EDA: variants seen among roughly 807,000 people sequenced by gnomAD.
EDA encodes ectodysplasin-A.
A neutral mutation model predicts 23.6 loss-of-function variants in EDA; 2 were observed. The observed-to-expected ratio is 0.08, with a 90% confidence interval of 0.03 to 0.27. The LOEUF (loss-of-function observed/expected upper bound fraction) is 0.27, where lower values mean the gene tolerates loss of function less well. Ranked by LOEUF, EDA falls within the 10% of genes least tolerant of loss-of-function variation. The pLI, the probability that EDA is intolerant of heterozygous loss-of-function variation, is 1.00. For synonymous variants in EDA, 131 were observed against 132.0 expected (o/e 0.99, Z 0.05); for missense variants, 229 against 324.2 (o/e 0.71, Z 2.26).
At chrX:69,881,526 C>T (rs2017746645) in intron 1 of EDA, among the ~76,000 whole-genome samples, 1 of 111,495 alleles carries the variant, frequency 9.0e-6, no homozygotes, top group Non-Finnish European at 1.9e-5. Context: ...CTCCTTAGCC[C>T]AGTTGCCATA....
intron 7 of EDA, among the ~76,000 whole-genome samples, chrX:70,034,019 C>G (rs1183223649): frequency 9.0e-6 from 1 of 111,694 alleles, no homozygotes; most frequent in Admixed American, 9.5e-5. Context: ...CTCTTTCTCC[C>G]ATTTGTTTCC....
Position 69,843,715 on chromosome X carries a change from A to G in EDA, c.397-113312A>G, listed in dbSNP as rs181064536. Among the ~76,000 whole-genome samples, 18 of 111,517 alleles carry G rather than the reference A, an allele frequency of 1.6e-4. 1 individual carries two copies. Among genetic ancestry groups the G allele is most frequent in the Admixed American group, 7.6e-4 (8 of 10,485 alleles). ...AAATATAAAAAGCCATATATATGGG[A>G]TGGAATTATAAAGACTTCATTAAAT... is the stretch of plus-strand genomic sequence containing the variant. On this transcript the variant is annotated intron_variant, in intron 1 of 7. Transcript: ENST00000374552.
chrX:69,969,715 A>T (rs1483447271), intron 2 of EDA, among the ~76,000 whole-genome samples: 1 of 111,888 alleles, frequency 8.9e-6, no homozygotes, highest in Non-Finnish European at 1.9e-5. Flanking sequence ...CCCACCCTGT[A>T]GCATAGTATG....
intron 1 of EDA, among the ~76,000 whole-genome samples, chrX:69,817,873 C>T (rs2016117107): frequency 9.0e-6 from 1 of 111,659 alleles, no homozygotes; most frequent in Non-Finnish European, 1.9e-5. Flanking sequence ...ATCAAGTGGA[C>T]CTGATAGATA....
intron 1 of EDA, among the ~76,000 whole-genome samples, chrX:69,783,262 T>G (rs745647825): frequency 9.2e-6 from 1 of 108,519 alleles, no homozygotes; most frequent in East Asian, 2.9e-4. Flanking sequence ...ACAGAAGAGA[T>G]TTTTTTTTTG....
intron 1 of EDA, chrX:69,937,672 G>A: frequency 9.0e-7 from 1 of 1,111,904 alleles, no homozygotes; most frequent in Middle Eastern, 2.4e-4. Context: ...GATGTTGTTA[G>A]TAGCTCTATA....
intron 2 of EDA, among the ~76,000 whole-genome samples, chrX:69,961,172 A>C (rs965259346): frequency 1.8e-5 from 2 of 111,690 alleles, no homozygotes; most frequent in Admixed American, 1.9e-4. Flanking sequence ...ACTGGGTTTC[A>C]CTATGTTGGC....
chrX:69,907,302 C>T (rs1476681587), intron 1 of EDA, among the ~76,000 whole-genome samples: 1 of 111,602 alleles, frequency 9.0e-6, no homozygotes, highest in Non-Finnish European at 1.9e-5. Flanking sequence ...TTCAACATTT[C>T]CTGTGCCCTA....
chrX:69,724,009 A>T (rs1052960037), intron 1 of EDA, among the ~76,000 whole-genome samples: 1 of 111,749 alleles, frequency 8.9e-6, no homozygotes, highest in Non-Finnish European at 1.9e-5. Context: ...GTCAAATTGT[A>T]ACTTGGATAA....
At chrX:69,783,658 G>A (rs766908277) in intron 1 of EDA, among the ~76,000 whole-genome samples, 3 of 111,459 alleles carry the variant, frequency 2.7e-5, no homozygotes, top group African/African-American at 9.8e-5. Flanking sequence ...TGGTGTATAT[G>A]TGCCACATTT....
At chrX:69,923,243 G>A (rs2018462090) in intron 1 of EDA, among the ~76,000 whole-genome samples, 1 of 110,924 alleles carries the variant, frequency 9.0e-6, no homozygotes, top group Admixed American at 9.6e-5. Context: ...CATGTGTCAT[G>A]GTGGTTTGCT....
At chrX:69,687,046 CAT>C (rs904310832) in intron 1 of EDA, among the ~76,000 whole-genome samples, 1 of 111,808 alleles carries the variant, frequency 8.9e-6, no homozygotes, top group African/African-American at 3.2e-5. Flanking sequence ...CCACAAGCAA[CAT>C]ATGAGGGTTC....
chrX:70,025,130 G>GT (rs764249952), intron 3 of EDA, among the ~76,000 whole-genome samples: 49 of 106,736 alleles, frequency 4.6e-4, no homozygotes, highest in East Asian at 2.3e-3. Flanking sequence ...CAAAGCAGGA[G>GT]TTTTTTTTTT....
intron 1 of EDA, among the ~76,000 whole-genome samples, chrX:69,702,021 C>T (rs2011547527): frequency 9.0e-6 from 1 of 111,051 alleles, no homozygotes; most frequent in Non-Finnish European, 1.9e-5. Flanking sequence ...AGAGGTCATG[C>T]CAAGTTCATA....
At chrX:69,786,148 A>G (rs1417146160) in intron 1 of EDA, among the ~76,000 whole-genome samples, 1 of 110,195 alleles carries the variant, frequency 9.1e-6, no homozygotes, top group Non-Finnish European at 1.9e-5. Flanking sequence ...TATCCCCTTT[A>G]TCATTTTTTA....
chrX:69,918,298 A>G (rs1286141893), intron 1 of EDA, among the ~76,000 whole-genome samples: 4 of 109,416 alleles, frequency 3.7e-5, no homozygotes, highest in African/African-American at 1.3e-4. Context: ...CTGGGACCAT[A>G]GGTGTGTGCC....
intron 1 of EDA, among the ~76,000 whole-genome samples, chrX:69,696,173 A>T (rs958175237): frequency 2.7e-5 from 3 of 109,373 alleles, no homozygotes; most frequent in Non-Finnish European, 5.7e-5. Context: ...CAGGAGGCAG[A>T]GGTTTCAGTG....
chrX:69,813,368 C>T (rs1403235705), intron 1 of EDA, among the ~76,000 whole-genome samples: 3 of 111,594 alleles, frequency 2.7e-5, no homozygotes, highest in African/African-American at 9.8e-5. Context: ...CCAACCTTAA[C>T]CAGCTTCTAT....
At chrX:69,733,772 T>A (rs1245780822) in intron 1 of EDA, among the ~76,000 whole-genome samples, 5 of 111,628 alleles carry the variant, frequency 4.5e-5, no homozygotes, top group Admixed American at 9.5e-5. Flanking sequence ...TCCTCTTTTA[T>A]TTCACTGAGC....
Sources: gnomAD v4.1 joint callset for allele counts (sites outside exome capture counted in the v4.1 genomes callset) on GRCh38, gnomAD v4.1.1 for gene constraint, MANE v1.5 for transcripts, NCBI Gene and HGNC (gene_info 2026-07-23, HGNC 2026-07-21) for gene names.